Variants in RADIL observed in about 807,000 individuals in gnomAD.
RADIL encodes the protein Rap associating with DIL domain, also known as ras-associating and dilute domain-containing protein.
Under a neutral mutation model 97.6 loss-of-function variants are expected in RADIL, and 99 were observed. The ratio of observed to expected loss-of-function variants is 1.01; its 90% CI spans 0.86 to 1.20. RADIL has a LOEUF of 1.20. RADIL is among the 50% of genes most tolerant of loss of function. The probability of loss-of-function intolerance (pLI) is 0.00; values close to 1 mark genes in which losing one functional copy is unlikely to be tolerated. For synonymous variants in RADIL, 803 were observed against 691.8 expected (o/e 1.16, Z -2.52); for missense variants, 1,765 against 1,498.9 (o/e 1.18, Z -2.93).
chr7:4,836,653 C>G (rs1486503341), intron 2 of RADIL, 48 bp from the exon 3 acceptor site: 3 of 1,598,510 alleles, frequency 1.9e-6, no homozygotes, highest in African/African-American at 2.7e-5. Flanking sequence ...CTCATAGCAC[C>G]AGGACTGGGC....
chr7:4,872,406 C>T lies in RADIL; in HGVS notation c.535+5199G>A, dbSNP rs1177635261. On this transcript the variant is annotated intron_variant, in intron 2 of 14. Transcript: ENST00000399583. This position sits in a 1 kb window ranked among gnomAD's most constrained non-coding sequence, Gnocchi z 5.8. The stretch of plus-strand genomic sequence containing the variant: ...AGGCCAGCCCTCCCCGGGCTCTGCG[C>T]GGGTTTAACACTTACCCCTCCTGCA... Among the ~76,000 whole-genome samples, 1 of 152,190 alleles carries T rather than the reference C, an allele frequency of 6.6e-6. No individual in the cohort carries two copies. The highest frequency in any genetic ancestry group is 1.5e-5 in the Non-Finnish European group (1 of 68,036).
In RADIL at chr7:4,799,272, G is replaced by T; in HGVS notation, c.*106C>A. 9.2e-7 allele frequency: 1 copy of T among 1,088,440 alleles called. No individual in the cohort carries two copies. Among genetic ancestry groups the T allele is most frequent in the Non-Finnish European group, 1.4e-6 (1 of 735,484 alleles). The allele number at this position is 1,088,440 out of a possible 1,614,324, so 67.4% of individuals were successfully genotyped here. ...GTCCCCAGGGTGAGGCTCCCCACCC[G>T]GGACCCAACTTGGTCAGTTACAAAA... is the stretch of plus-strand genomic sequence containing the variant. On this transcript the variant is annotated 3_prime_UTR_variant, in exon 15 of 15. Transcript: ENST00000399583.
rs1782907732 is a variant in RADIL at position 4,824,064 on chromosome 7, G to A, written c.1455-1510C>T. 6.6e-6 allele frequency among the ~76,000 whole-genome samples: 1 copy of A among 152,198 alleles called. No homozygotes were observed. On this transcript the variant is annotated intron_variant, in intron 5 of 14. Coordinates refer to ENST00000399583, the MANE Select transcript of RADIL (RefSeq NM_018059.5). This position sits in a 1 kb window ranked among gnomAD's most constrained non-coding sequence, Gnocchi z 6.7. ...TGAGCAGAAGGCCGTGTGTGCCCCT[G>A]AGCAGTGAGCAGAAGGGATCCTTTT...
intron 2 of RADIL, among the ~76,000 whole-genome samples, chr7:4,874,974 C>CCTG (rs1784337142): frequency 6.6e-6 from 1 of 151,982 alleles, no homozygotes; most frequent in African/African-American, 2.4e-5. Flanking sequence ...GGGCGGATCA[C>CCTG]AAGGTCAGGA....
chr7:4,824,139 G>C lies in RADIL; in HGVS notation c.1455-1585C>G, dbSNP rs1289328800. On this transcript the variant is annotated intron_variant, in intron 5 of 14. Transcript: ENST00000399583. This position sits in a 1 kb window ranked among gnomAD's most constrained non-coding sequence, Gnocchi z 6.7. ...CTGACTTGGGTCTGCCTGGGGTGTG[G>C]AGGGCGGCCCTGCTGCCTGCCCCAT... Among the ~76,000 whole-genome samples the C allele has an allele frequency of 1.3e-5, 2 of 152,246 alleles. No homozygotes were observed. Among genetic ancestry groups the C allele is most frequent in the African/African-American group, 4.8e-5 (2 of 41,476 alleles).
rs1389532461 is a variant in RADIL, at chr7:4,840,957, ACT to A, written c.536-4354_536-4353del. Among the ~76,000 whole-genome samples, 1 of 152,200 alleles carries A rather than the reference ACT, an allele frequency of 6.6e-6. No homozygotes were observed. Among genetic ancestry groups the A allele is most frequent in the Non-Finnish European group, 1.5e-5 (1 of 68,038 alleles). On this transcript the variant is annotated intron_variant, in intron 2 of 14. Coordinates refer to ENST00000399583, the MANE Select transcript of RADIL (RefSeq NM_018059.5). The surrounding 1 kb of genome is among the most constrained non-coding windows in gnomAD (Gnocchi z 5.6). ...ACTCCAGCCTGGGTGACAGAGCGAG[ACT>A]CCGTCTCAAAACAAAACAAAACAAC...
intron 9 of RADIL, among the ~76,000 whole-genome samples, chr7:4,809,869 T>A (rs899178878): frequency 1.3e-5 from 2 of 152,046 alleles, no homozygotes; most frequent in African/African-American, 4.8e-5. Context: ...ATTTTTTTAA[T>A]AGAGACAGCG....
In RADIL at chr7:4,879,169, C is replaced by T. The variant is rs368185312; in HGVS notation, c.-64-966G>A. Among the ~76,000 whole-genome samples, 3 of 152,208 alleles carry T rather than the reference C, an allele frequency of 2.0e-5. No individual in the cohort carries two copies. Among genetic ancestry groups the T allele is most frequent in the African/African-American group, 7.2e-5 (3 of 41,466 alleles). ...CAGGCGTCCCGCCCACCACAGGCCG[C>T]GGGTGCCCGGCGCTCCAGGCCACAG... On this transcript the variant is annotated intron_variant, in intron 1 of 14. Coordinates refer to ENST00000399583, the MANE Select transcript of RADIL (RefSeq NM_018059.5). This position sits in a 1 kb window ranked among gnomAD's most constrained non-coding sequence, Gnocchi z 4.1.
chr7:4,809,570 C>T, intron 9 of RADIL: 1 of 985,480 alleles, frequency 1.0e-6, no homozygotes, highest in Non-Finnish European at 1.2e-6. Context: ...CACGGCAGGT[C>T]CCGCCCCACT....
chr7:4,882,232 G>C (rs571907490), intron 1 of RADIL: 1 of 152,370 alleles, frequency 6.6e-6, no homozygotes, highest in South Asian at 2.1e-4. Context: ...GCGGAGCCTG[G>C]CCTGTTTGTG....
rs908839720 is a variant in RADIL, at chr7:4,798,022, T to C, written c.*1356A>G. 3 of 141,620 alleles carry C rather than the reference T, an allele frequency of 2.1e-5. No individual in the cohort carries two copies. Among genetic ancestry groups the C allele is most frequent in the South Asian group, 4.2e-4 (2 of 4,770 alleles). The allele number at this position is 141,620 out of a possible 1,614,324, so 8.8% of individuals were successfully genotyped here. ...ATTTTATATAATAAAATATAAAAAA[T>C]GTTTATAAAATATACGAATATATTA... is the stretch of plus-strand genomic sequence containing the variant. On this transcript the variant is annotated 3_prime_UTR_variant, in exon 15 of 15. Transcript: ENST00000399583.
In RADIL at chr7:4,840,566, T is replaced by C. The variant is rs948017900; in HGVS notation, c.536-3961A>G. ...GGGACTGCCTGATTTGGGGGTCTTATATAGGTGTGCTCTTTGCCAAGAACA... is the reference window on the plus strand; with the variant it reads ...GGGACTGCCTGATTTGGGGGTCTTACATAGGTGTGCTCTTTGCCAAGAACA... On this transcript the variant is annotated intron_variant, in intron 2 of 14. Coordinates refer to ENST00000399583, the MANE Select transcript of RADIL (RefSeq NM_018059.5). The surrounding 1 kb of genome is among the most constrained non-coding windows in gnomAD (Gnocchi z 5.6). Among the ~76,000 whole-genome samples the C allele has an allele frequency of 6.6e-6, 1 of 152,336 alleles. No individual in the cohort carries two copies. The highest frequency in any genetic ancestry group is 2.4e-5 in the African/African-American group (1 of 41,590).
intron 5 of RADIL, among the ~76,000 whole-genome samples, chr7:4,830,009 GC>G (rs1025843239): frequency 2.6e-5 from 4 of 152,114 alleles, no homozygotes; most frequent in African/African-American, 9.7e-5. Flanking sequence ...CTCAGCCTGA[GC>G]CCCCCAGACA....
At chr7:4,874,925 G>A (rs931449858) in intron 2 of RADIL, among the ~76,000 whole-genome samples, 81 of 152,222 alleles carry the variant, frequency 5.3e-4, no homozygotes, top group Non-Finnish European at 1.0e-4. Flanking sequence ...GGGCGCGGTG[G>A]CTCACGCCTG....
Position 4,878,579 on chromosome 7 carries a change from C to G in RADIL, c.-64-376G>C, listed in dbSNP as rs1784420140. ...ATAACAGGCCGTGGGCATCCTGGCCCCGCAGACCTGACACCAGAGCACCTG... is the reference window on the plus strand; with the variant it reads ...ATAACAGGCCGTGGGCATCCTGGCCGCGCAGACCTGACACCAGAGCACCTG... On this transcript the variant is annotated intron_variant, in intron 1 of 14. Transcript: ENST00000399583. This position sits in a 1 kb window ranked among gnomAD's most constrained non-coding sequence, Gnocchi z 4.1. 6.6e-6 allele frequency among the ~76,000 whole-genome samples: 1 copy of G among 152,178 alleles called. No homozygotes were observed. Among genetic ancestry groups the G allele is most frequent in the African/African-American group, 2.4e-5 (1 of 41,452 alleles).
intron 9 of RADIL, chr7:4,809,164 G>C: frequency 1.0e-6 from 1 of 985,232 alleles, no homozygotes; most frequent in Non-Finnish European, 1.2e-6. Context: ...GCTTCTGGAA[G>C]ACCCCTGGCG....
At position 4,883,679 on chromosome 7, in the gene RADIL, G is replaced by T. The variant is rs1334959944; in HGVS notation, c.-148C>A. 6.6e-6 allele frequency: 1 copy of T among 151,914 alleles called. No individual in the cohort carries two copies. The highest frequency in any genetic ancestry group is 1.5e-5 in the Non-Finnish European group (1 of 67,972). The allele number at this position is 151,914 out of a possible 1,614,324, so 9.4% of individuals were successfully genotyped here. On this transcript the variant is annotated 5_prime_UTR_variant, in exon 1 of 15. Transcript: ENST00000399583. This position sits in a 1 kb window ranked among gnomAD's most constrained non-coding sequence, Gnocchi z 7.1. Reference sequence around the variant, plus strand: ...GGGGCCGGCGCCCAGACCCGCGCGTGCCGCGGCGCCTCCTGCCGGCGGCGC... The same window carrying T: ...GGGGCCGGCGCCCAGACCCGCGCGTTCCGCGGCGCCTCCTGCCGGCGGCGC...
rs1172747637 is a variant in RADIL at position 4,867,165 on chromosome 7, G to T, written c.535+10440C>A. Among the ~76,000 whole-genome samples, 1 of 152,220 alleles carries T rather than the reference G, an allele frequency of 6.6e-6. No individual in the cohort carries two copies. The highest frequency in any genetic ancestry group is 2.1e-4 in the South Asian group (1 of 4,818). On this transcript the variant is annotated intron_variant, in intron 2 of 14. Coordinates refer to ENST00000399583, the MANE Select transcript of RADIL (RefSeq NM_018059.5). This position sits in a 1 kb window ranked among gnomAD's most constrained non-coding sequence, Gnocchi z 4.1. ...GTATTCTGCTGTGGCAACAAGAAAT[G>T]GACTAAAGCAGAGCCTAAAGGTGTT...
rs34276261 is a variant in RADIL, at chr7:4,850,216, TAAA to T, written c.536-13614_536-13612del. ...ACCCACACTACACAGACGATCCCTT[TAAA>T]AAAAAAAAAAAAAAAAAAACCTTTG... On this transcript the variant is annotated intron_variant, in intron 2 of 14. Transcript: ENST00000399583. Among the ~76,000 whole-genome samples the T allele has an allele frequency of 3.9e-3, 344 of 88,062 alleles. 5 individuals carry two copies. Among genetic ancestry groups the T allele is most frequent in the African/African-American group, 0.014 (333 of 23,742 alleles). The allele number at this position is 88,062 out of a possible 152,430, so 57.8% of individuals were successfully genotyped here.
Sources: gnomAD v4.1 joint callset for allele counts (sites outside exome capture counted in the v4.1 genomes callset) on GRCh38, gnomAD v4.1.1 for gene constraint, Gnocchi (gnomAD v3.1) non-coding constraint, MANE v1.5 for transcripts, NCBI Gene and HGNC (gene_info 2026-07-23, HGNC 2026-07-21) for gene names.